OR2J3: variants seen among roughly 807,000 people sequenced by gnomAD.
OR2J3 encodes olfactory receptor 2J3.
OR2J3 carries 13 observed loss-of-function variants against 18.5 expected under a neutral mutation model. That is an observed-to-expected ratio of 0.70 (90% CI 0.46 to 1.12). The LOEUF (loss-of-function observed/expected upper bound fraction) is 1.12, where lower values mean the gene tolerates loss of function less well. Ranked by LOEUF, OR2J3 falls within the 50% of genes most tolerant of loss-of-function variation. The pLI is 0.00. For missense variants in OR2J3, 321 were observed against 371.6 expected (o/e 0.86, Z 1.12); for synonymous variants, 142 against 140.6 (o/e 1.01, Z -0.07).
At position 29,114,606 on chromosome 6, in the gene OR2J3, G is replaced by A. The variant is rs894346666; in HGVS notation, c.*1780G>A. ...CCTGTTTTGTGGTGAGAACATTTAG[G>A]ATCTATTATCTTAGCAGTTTTCAAC... is the stretch of plus-strand genomic sequence containing the variant. On this transcript the variant is annotated 3_prime_UTR_variant, in exon 4 of 4. Transcript: ENST00000641151. The A allele has an allele frequency of 2.0e-5, 3 of 151,944 alleles. No individual in the cohort carries two copies. Among genetic ancestry groups the A allele is most frequent in the African/African-American group, 7.2e-5 (3 of 41,386 alleles). The allele number at this position is 151,944 out of a possible 1,614,324, so 9.4% of individuals were successfully genotyped here.
chr6:29,111,583 G>A (rs1762127713), intron 3 of OR2J3: 1 of 290,110 alleles, frequency 3.4e-6, no homozygotes, highest in Non-Finnish European at 6.3e-6. Flanking sequence ...ACTAGTTTTT[G>A]CAATCATTTA....
Position 29,112,237 on chromosome 6 carries a change from T to A in OR2J3, c.347T>A (p.Val116Asp), listed in dbSNP as rs1562548029. The change falls in exon 4 of 4, where the codon GTC (valine) becomes GAC (aspartate). Residue 116 changes from valine (V) to aspartate (D), a missense_variant. Transcript: ENST00000641151. ...CTCGCACTGGGAACCACAGAGTGTG[T>A]CCTACTGGTGGTGATGTCCTATGAC... is the stretch of plus-strand genomic sequence containing the variant. ...FVLALGTTEC[V>D]LLVVMSYDRY... The A allele has an allele frequency of 6.2e-7, 1 of 1,614,172 alleles. No homozygotes were observed. The highest frequency in any genetic ancestry group is 8.5e-7 in the Non-Finnish European group (1 of 1,180,036).
chr6:29,109,346 A>G (rs371406105), intron 3 of OR2J3: 5 of 152,248 alleles, frequency 3.3e-5, no homozygotes, highest in African/African-American at 4.8e-5. Context: ...TTACATTACC[A>G]AGTCTGTTAA....
Position 29,112,337 on chromosome 6 carries a change from G to A in OR2J3, c.447G>A (p.Val149=). 1 of 1,614,062 alleles carries A rather than the reference G, an allele frequency of 6.2e-7. No homozygotes were observed. The highest frequency in any genetic ancestry group is 8.5e-7 in the Non-Finnish European group (1 of 1,180,026). ...CTCGTTTCTGCCACCTGCTGGCTGTGGCTTCTTGGGTAAGTGGTTTTACCA... is the reference window on the plus strand; with the variant it reads ...CTCGTTTCTGCCACCTGCTGGCTGTAGCTTCTTGGGTAAGTGGTTTTACCA... ...MHPRFCHLLA[V]ASWVSGFTNS... is the part of the protein sequence containing the mutation. Residue 149 remains valine, a synonymous_variant, in exon 4 of 4, where the codon GTG becomes GTA. Coordinates refer to ENST00000641151, the MANE Select transcript of OR2J3 (RefSeq NM_001005216.4).
Position 29,112,114 on chromosome 6 carries a change from G to A in OR2J3, c.224G>A (p.Cys75Tyr), listed in dbSNP as rs765374389. The A allele has an allele frequency of 6.2e-6, 10 of 1,614,010 alleles. No individual in the cohort carries two copies. Among genetic ancestry groups the A allele is most frequent in the Non-Finnish European group, 6.8e-6 (8 of 1,180,018 alleles). The stretch of plus-strand genomic sequence containing the variant: ...TCAAACCTCTCATTTCTGGATCTCT[G>A]CTACACCACCAGCTCTATCCCTCAG... ...FLSNLSFLDL[C>Y]YTTSSIPQLL... Residue 75 changes from cysteine to tyrosine, a missense_variant, in exon 4 of 4, where the codon TGC (cysteine) becomes TAC (tyrosine). By Grantham distance (194) the Cys-to-Tyr change is radical (BLOSUM62 -2). Coordinates refer to ENST00000641151, the MANE Select transcript of OR2J3 (RefSeq NM_001005216.4).
chr6:29,114,442 A>G lies in OR2J3; in HGVS notation c.*1616A>G, dbSNP rs1179565954. 1.7e-5 allele frequency: 1 copy of G among 57,496 alleles called. No homozygotes were observed. The highest frequency in any genetic ancestry group is 5.0e-5 in the Non-Finnish European group (1 of 20,142). 3.6% of individuals were successfully genotyped at this position (57,496 alleles called of 1,614,324 possible). A position where few individuals can be genotyped will look rare whatever the true frequency, so the allele number is the denominator to read the frequency against. ...ATCCTGGTTTCTCACCTACTCAAAT[A>G]TCCCCCCCCTCCCCATCTTTATTAA... On this transcript the variant is annotated 3_prime_UTR_variant, in exon 4 of 4. Coordinates refer to ENST00000641151, the MANE Select transcript of OR2J3 (RefSeq NM_001005216.4).
chr6:29,114,170 A>G lies in OR2J3; in HGVS notation c.*1344A>G, dbSNP rs1041974621. ...TCTGCTGACTTTATCTTCCTTCTGC[A>G]TCTCTGACTCTTCCTTTATTTCTAA... On this transcript the variant is annotated 3_prime_UTR_variant, in exon 4 of 4. Transcript: ENST00000641151. 1 of 152,164 alleles carries G rather than the reference A, an allele frequency of 6.6e-6. No homozygotes were observed. The highest frequency in any genetic ancestry group is 1.5e-5 in the Non-Finnish European group (1 of 68,022). The allele number at this position is 152,164 out of a possible 1,614,324, so 9.4% of individuals were successfully genotyped here.
chr6:29,110,456 C>A (rs551623336), intron 3 of OR2J3, among the ~76,000 whole-genome samples: 1 of 152,048 alleles, frequency 6.6e-6, no homozygotes. Flanking sequence ...GCAATGATTA[C>A]GTTTTCCACA....
At chr6:29,108,925 C>T (rs1479477204) in intron 3 of OR2J3, 50 bp downstream of exon 3, 1 of 152,106 alleles carries the variant, frequency 6.6e-6, no homozygotes, top group African/African-American at 2.4e-5. Flanking sequence ...TCTAACCTCT[C>T]TATGTAAGAT....
chr6:29,109,676 C>G (rs1762056079), intron 3 of OR2J3: 1 of 152,112 alleles, frequency 6.6e-6, no homozygotes, highest in Admixed American at 6.6e-5. Context: ...CTATGCCTGA[C>G]ACAATAACTA....
chr6:29,112,464 TG>T lies in OR2J3; in HGVS notation c.575del (p.Cys192LeufsTer9). 1 of 1,614,124 alleles carries T rather than the reference TG, an allele frequency of 6.2e-7. No homozygotes were observed. Among genetic ancestry groups the T allele is most frequent in the East Asian group, 2.2e-5 (1 of 44,880 alleles). On this transcript the variant is annotated frameshift_variant, in exon 4 of 4. Transcript: ENST00000641151. LOFTEE classifies it high-confidence loss of function. Reference sequence around the variant, plus strand: ...AGTTCCAGCACTTCTGCGATTATCGTGTGTTGATACCCATGTCAATGAGCTG... The same window carrying T: ...AGTTCCAGCACTTCTGCGATTATCGTTGTTGATACCCATGTCAATGAGCTG... Reference protein sequence around the residue: ...CEVPALLRLSCVDTHVNELTL... With the variant: ...CEVPALLRLSXVDTHVNELTL...
rs1762019615 is a variant in OR2J3 at position 29,108,822 on chromosome 6, A to G, written c.-62-2A>G. The G allele has an allele frequency of 6.6e-6, 1 of 152,168 alleles. No homozygotes were observed. The highest frequency in any genetic ancestry group is 6.5e-5 in the Admixed American group (1 of 15,268). The allele number at this position is 152,168 out of a possible 1,614,324, so 9.4% of individuals were successfully genotyped here. On this transcript the variant is annotated splice_acceptor_variant, in intron 2 of 3. Coordinates refer to ENST00000641151, the MANE Select transcript of OR2J3 (RefSeq NM_001005216.4). LOFTEE classifies it low-confidence loss of function (5UTR_SPLICE). ...TAAGGCTTTTATTTTCTGCTCCACC[A>G]GGAAGAAGAAAATTAACCCAGAAAA...
At position 29,112,444 on chromosome 6, in the gene OR2J3, C is replaced by T; in HGVS notation, c.554C>T (p.Pro185Leu). 1.2e-6 allele frequency: 2 copies of T among 1,614,072 alleles called. No homozygotes were observed. The highest frequency in any genetic ancestry group is 2.2e-5 in the South Asian group (2 of 91,084). ...RQVDHFFCEV[P>L]ALLRLSCVDT... The stretch of plus-strand genomic sequence containing the variant: ...GTAGATCACTTTTTCTGTGAAGTTC[C>T]AGCACTTCTGCGATTATCGTGTGTT... Residue 185 changes from proline to leucine, a missense_variant, in exon 4 of 4, where the codon CCA (proline) becomes CTA (leucine). Pro to Leu is a moderately conservative substitution (Grantham distance 98, BLOSUM62 -3). Transcript: ENST00000641151.
rs200803751 is a variant in OR2J3 at position 29,111,978 on chromosome 6, A to C, written c.88A>C (p.Ile30Leu). The change falls in exon 4 of 4, where the codon ATC becomes CTC. Residue 30 changes from isoleucine to leucine, a missense_variant. Ile to Leu is a conservative substitution (Grantham distance 5). Coordinates refer to ENST00000641151, the MANE Select transcript of OR2J3 (RefSeq NM_001005216.4). ...FSNWPHLEVV[I>L]FVVVLIFYLM... ...TAATTGGCCTCATCTGGAAGTAGTT[A>C]TCTTTGTGGTTGTCTTGATCTTCTA... The C allele has an allele frequency of 1.9e-4, 312 of 1,613,916 alleles. No homozygotes were observed. Among genetic ancestry groups the C allele is most frequent in the Admixed American group, 2.5e-4 (15 of 59,980 alleles).
At chr6:29,110,885 AT>A (rs1762102529) in intron 3 of OR2J3, among the ~76,000 whole-genome samples, 1 of 144,794 alleles carries the variant, frequency 6.9e-6, no homozygotes, top group African/African-American at 2.8e-5. Flanking sequence ...CTATCTATCT[AT>A]CTATCTATCT....
intron 3 of OR2J3, among the ~76,000 whole-genome samples, chr6:29,110,988 A>C (rs1762107563): frequency 6.6e-6 from 1 of 152,088 alleles, no homozygotes; most frequent in Non-Finnish European, 1.5e-5. Flanking sequence ...TTTTTTGTCT[A>C]AGGAAAAGGA....
rs533674716 is a variant in OR2J3, at chr6:29,113,222, T to A, written c.*396T>A. ...AAATCTCTACAATATGTCTTTTAAT[T>A]TCTTGCTTTTTGGGCAGAATACTTT... On this transcript the variant is annotated 3_prime_UTR_variant, in exon 4 of 4. Transcript: ENST00000641151. The A allele has an allele frequency of 5.7e-6, 1 of 174,804 alleles. No individual in the cohort carries two copies. The highest frequency in any genetic ancestry group is 1.8e-4 in the South Asian group (1 of 5,648). The allele number at this position is 174,804 out of a possible 1,614,324, so 10.8% of individuals were successfully genotyped here.
chr6:29,113,088 T>G lies in OR2J3; in HGVS notation c.*262T>G, dbSNP rs928859652. 8 of 438,358 alleles carry G rather than the reference T, an allele frequency of 1.8e-5. No individual in the cohort carries two copies. The highest frequency in any genetic ancestry group is 3.2e-5 in the Non-Finnish European group (8 of 249,234). The allele number at this position is 438,358 out of a possible 1,614,324, so 27.2% of individuals were successfully genotyped here. On this transcript the variant is annotated 3_prime_UTR_variant, in exon 4 of 4. Transcript: ENST00000641151. Reference sequence around the variant, plus strand: ...ATGTTTTTCCATGGTACAAACCTAATGTATCCAAGACAGACATTTCTCGAT... The same window carrying G: ...ATGTTTTTCCATGGTACAAACCTAAGGTATCCAAGACAGACATTTCTCGAT...
Position 29,112,135 on chromosome 6 carries a change from C to A in OR2J3, c.245C>A (p.Pro82His). 1 of 1,614,126 alleles carries A rather than the reference C, an allele frequency of 6.2e-7. No homozygotes were observed. The highest frequency in any genetic ancestry group is 8.5e-7 in the Non-Finnish European group (1 of 1,180,050). ...LDLCYTTSSI[P>H]QLLVNLWGPE... ...CTCTGCTACACCACCAGCTCTATCC[C>A]TCAGTTGCTGGTCAATCTCTGGGGC... is the stretch of plus-strand genomic sequence containing the variant. The change falls in exon 4 of 4, where the codon CCT becomes CAT. Residue 82 changes from proline to histidine, a missense_variant. Coordinates refer to ENST00000641151, the MANE Select transcript of OR2J3 (RefSeq NM_001005216.4).
Sources: gnomAD v4.1 joint callset for allele counts (sites outside exome capture counted in the v4.1 genomes callset) on GRCh38, gnomAD v4.1.1 for gene constraint, MANE v1.5 for transcripts, NCBI Gene and HGNC (gene_info 2026-07-23, HGNC 2026-07-21) for gene names.